PLCB1: variants seen among roughly 807,000 people sequenced by gnomAD.
PLCB1 encodes 1-phosphatidylinositol 4,5-bisphosphate phosphodiesterase beta-1.
A neutral mutation model predicts 161.8 loss-of-function variants in PLCB1; 46 were observed. That is an observed-to-expected ratio of 0.28 (90% CI 0.22 to 0.36). PLCB1 has a LOEUF of 0.36. PLCB1 is among the 10% of genes least tolerant of loss of function. PLCB1 has a pLI of 1.00. For synonymous variants in PLCB1, 517 were observed against 503.7 expected (o/e 1.03, Z -0.35); for missense variants, 1,016 against 1,472.5 (o/e 0.69, Z 5.07).
chr20:8,601,454 A>T (rs1300346311), intron 3 of PLCB1, among the ~76,000 whole-genome samples: 1 of 152,160 alleles, frequency 6.6e-6, no homozygotes. Flanking sequence ...GCTCCCACTT[A>T]TAAGTGAGAA....
intron 3 of PLCB1, among the ~76,000 whole-genome samples, chr20:8,528,128 C>T (rs1005673513): frequency 6.6e-6 from 1 of 152,034 alleles, no homozygotes; most frequent in African/African-American, 2.4e-5. Flanking sequence ...CTTTAGAGGG[C>T]TCTTTGGCAG....
chr20:8,450,461 G>T (rs1237309765), intron 3 of PLCB1, among the ~76,000 whole-genome samples: 4 of 151,628 alleles, frequency 2.6e-5, no homozygotes, highest in Non-Finnish European at 5.9e-5. Flanking sequence ...GTAACATTTT[G>T]TTTATAAGAA....
Position 8,845,676 on chromosome 20 carries a change from G to A in PLCB1, c.3424-35946G>A, listed in dbSNP as rs544274189. Among the ~76,000 whole-genome samples, 5 of 151,728 alleles carry A rather than the reference G, an allele frequency of 3.3e-5. No homozygotes were observed. In the South Asian group the frequency reaches 1.0e-3, roughly 32 times the overall value. On this transcript the variant is annotated intron_variant, in intron 31 of 31. Coordinates refer to ENST00000338037, the MANE Select transcript of PLCB1 (RefSeq NM_015192.4). ...TTTTTTTGGTTGACAATTATATGGA[G>A]AATTAAATAAATCCTGAATCACAGA...
chr20:8,161,426 GT>G (rs2123051292), intron 2 of PLCB1, among the ~76,000 whole-genome samples: 1 of 152,260 alleles, frequency 6.6e-6, no homozygotes, highest in East Asian at 1.9e-4. Flanking sequence ...GTGAACAGAG[GT>G]TATGTCATGA....
intron 3 of PLCB1, among the ~76,000 whole-genome samples, chr20:8,432,506 C>T (rs772372696): frequency 1.3e-5 from 2 of 152,196 alleles, no homozygotes; most frequent in Admixed American, 6.5e-5. Context: ...ACCCTATCTC[C>T]AACTACTACT....
intron 1 of PLCB1, among the ~76,000 whole-genome samples, chr20:8,146,518 T>C (rs2051456134): frequency 6.6e-6 from 1 of 152,252 alleles, no homozygotes. Context: ...TATAAAAAGG[T>C]ATACTGGTAT....
chr20:8,741,328 T>C, intron 22 of PLCB1, 136 bp from the exon 23 acceptor site: 3 of 610,386 alleles, frequency 4.9e-6, no homozygotes, highest in Non-Finnish European at 3.0e-6. Context: ...GGTGGATGGA[T>C]GGATGGATGG....
At chr20:8,747,323 T>G (rs1470134422) in intron 23 of PLCB1, among the ~76,000 whole-genome samples, 1 of 152,234 alleles carries the variant, frequency 6.6e-6, no homozygotes, top group African/African-American at 2.4e-5. Flanking sequence ...GAAAGCTGTA[T>G]TCATTTGCCA....
At chr20:8,167,030 T>C (rs1378427675) in intron 2 of PLCB1, among the ~76,000 whole-genome samples, 1 of 152,200 alleles carries the variant, frequency 6.6e-6, no homozygotes, top group East Asian at 1.9e-4. Flanking sequence ...GACCTGGCTC[T>C]CTTAATGGGG....
At chr20:8,240,837 A>G (rs1980571586) in intron 2 of PLCB1, among the ~76,000 whole-genome samples, 1 of 152,054 alleles carries the variant, frequency 6.6e-6, no homozygotes, top group Non-Finnish European at 1.5e-5. Context: ...TTATAAAAGA[A>G]GAAAATAATG....
At chr20:8,370,128 G>A (rs1329664898) in intron 2 of PLCB1, among the ~76,000 whole-genome samples, 1 of 152,156 alleles carries the variant, frequency 6.6e-6, no homozygotes, top group Non-Finnish European at 1.5e-5. Flanking sequence ...CATCCAACTT[G>A]CTCATTGCCC....
At chr20:8,563,878 C>T (rs1478928145) in intron 3 of PLCB1, among the ~76,000 whole-genome samples, 1 of 152,154 alleles carries the variant, frequency 6.6e-6, no homozygotes, top group Non-Finnish European at 1.5e-5. Context: ...ATCCCATGCT[C>T]ATGGATAGGA....
intron 31 of PLCB1, among the ~76,000 whole-genome samples, chr20:8,829,757 A>G (rs1390883439): frequency 6.6e-6 from 1 of 152,244 alleles, no homozygotes; most frequent in Non-Finnish European, 1.5e-5. Context: ...TCAGCAACGT[A>G]TAGATCATTA....
chr20:8,362,052 T>C (rs1294902509), intron 2 of PLCB1, among the ~76,000 whole-genome samples: 1 of 152,236 alleles, frequency 6.6e-6, no homozygotes, highest in Non-Finnish European at 1.5e-5. Context: ...ATCTTTATCA[T>C]CATAGTTGTG....
chr20:8,766,813 G>A (rs1312194598), intron 26 of PLCB1, among the ~76,000 whole-genome samples: 2 of 152,130 alleles, frequency 1.3e-5, no homozygotes, highest in Non-Finnish European at 2.9e-5. Flanking sequence ...GCAGCACCAG[G>A]TGATGCTGAT....
At chr20:8,567,625 G>A (rs1330527999) in intron 3 of PLCB1, among the ~76,000 whole-genome samples, 1 of 151,968 alleles carries the variant, frequency 6.6e-6, no homozygotes, top group South Asian at 2.1e-4. Flanking sequence ...TTTAACATAG[G>A]TTAGCAATAA....
At chr20:8,474,284 GA>G (rs1407345727) in intron 3 of PLCB1, among the ~76,000 whole-genome samples, 1 of 152,128 alleles carries the variant, frequency 6.6e-6, no homozygotes, top group African/African-American at 2.4e-5. Flanking sequence ...ATGCTAGGAA[GA>G]AAGATAAAGC....
chr20:8,185,607 TTATATA>T, intron 2 of PLCB1, among the ~76,000 whole-genome samples: 1 of 151,524 alleles, frequency 6.6e-6, no homozygotes, highest in South Asian at 2.1e-4. Flanking sequence ...TATAAACACT[TTATATA>T]TAAACACTTT....
intron 9 of PLCB1, among the ~76,000 whole-genome samples, chr20:8,662,057 A>ATAT (rs1989655371): frequency 8.1e-5 from 1 of 12,406 alleles, no homozygotes; most frequent in African/African-American, 2.1e-4. Flanking sequence ...ATATAATTAT[A>ATAT]TATTTATTAT....
Sources: gnomAD v4.1 joint callset for allele counts (sites outside exome capture counted in the v4.1 genomes callset) on GRCh38, gnomAD v4.1.1 for gene constraint, MANE v1.5 for transcripts, NCBI Gene and HGNC (gene_info 2026-07-23, HGNC 2026-07-21) for gene names.